MMRN1: variants seen among roughly 807,000 people sequenced by gnomAD.
MMRN1 encodes multimerin 1, also known as multimerin-1.
Under a neutral mutation model 100.7 loss-of-function variants are expected in MMRN1, and 94 were observed. That is an observed-to-expected ratio of 0.93 (90% CI 0.79 to 1.11). MMRN1 has a LOEUF of 1.11. Among genes scored for constraint, MMRN1 ranks in the 50% least tolerant of loss-of-function variants. The pLI, the probability that MMRN1 is intolerant of heterozygous loss-of-function variation, is 0.00. For missense variants in MMRN1, 1,606 were observed against 1,439.1 expected, an observed-to-expected ratio of 1.12 and a Z score of -1.88; for synonymous variants, 575 against 505.0, an observed-to-expected ratio of 1.14 and a Z score of -1.86.
chr4:89,910,144 A>T (rs1299133598), intron 2 of MMRN1, among the ~76,000 whole-genome samples: 1 of 151,354 alleles, frequency 6.6e-6, no homozygotes, highest in African/African-American at 2.4e-5. Context: ...CACAATAAGG[A>T]TACATAAAAT....
At position 89,934,900 on chromosome 4, in the gene MMRN1, C is replaced by T. The variant is rs574535996; in HGVS notation, c.1220C>T (p.Ala407Val). 9 of 1,610,952 alleles carry T rather than the reference C, an allele frequency of 5.6e-6. No homozygotes were observed. Among genetic ancestry groups the T allele is most frequent in the African/African-American group, 5.3e-5 (4 of 74,814 alleles). Residue 407 changes from alanine (A) to valine (V), a missense_variant, in exon 6 of 8, where the codon GCA becomes GTA. Physicochemically the swap from Ala to Val is moderately conservative, Grantham distance 64 (BLOSUM62 0). Transcript: ENST00000264790. ...IFQNDMQETV[A>V]QLFKTVSSLS... ...CAAAATGACATGCAAGAGACTGTAGCACAGCTCTTCAAGACTGTATCAAGT... is the reference window on the plus strand; with the variant it reads ...CAAAATGACATGCAAGAGACTGTAGTACAGCTCTTCAAGACTGTATCAAGT...
At chr4:89,947,084 C>T (rs971024715) in intron 6 of MMRN1, among the ~76,000 whole-genome samples, 1 of 152,102 alleles carries the variant, frequency 6.6e-6, no homozygotes, top group African/African-American at 2.4e-5. Flanking sequence ...AAGTTTGAGA[C>T]CAGCTTGGCC....
chr4:89,940,280 A>G (rs1278312674), intron 6 of MMRN1, among the ~76,000 whole-genome samples: 1 of 152,092 alleles, frequency 6.6e-6, no homozygotes, highest in African/African-American at 2.4e-5. Context: ...TCCTGCTTGT[A>G]AAACCATTGG....
At chr4:89,939,786 C>T (rs150946337) in intron 6 of MMRN1, among the ~76,000 whole-genome samples, 18 of 152,158 alleles carry the variant, frequency 1.2e-4, no homozygotes, top group Admixed American at 3.3e-4. Context: ...TGGCTGGAGC[C>T]GATATTTTTA....
At chr4:89,879,544 A>C (rs893076261) in exon 1 of MMRN1, 1 of 152,166 alleles carries the variant, frequency 6.6e-6, no homozygotes, top group African/African-American at 2.4e-5. Flanking sequence ...AGAGGCCAAG[A>C]GGTTTCTGCT....
chr4:89,925,691 G>A (rs892666484), intron 4 of MMRN1, among the ~76,000 whole-genome samples: 1 of 151,836 alleles, frequency 6.6e-6, no homozygotes, highest in Non-Finnish European at 1.5e-5. Flanking sequence ...TTAGCCACAC[G>A]TGGTGGCATG....
intron 6 of MMRN1, among the ~76,000 whole-genome samples, chr4:89,945,549 T>C (rs919659055): frequency 6.6e-6 from 1 of 152,166 alleles, no homozygotes; most frequent in Admixed American, 6.5e-5. Flanking sequence ...TGTGGTTTTG[T>C]TTTGCATTTT....
At chr4:89,899,779 C>T (rs1721324384) in intron 1 of MMRN1, among the ~76,000 whole-genome samples, 1 of 151,916 alleles carries the variant, frequency 6.6e-6, no homozygotes, top group South Asian at 2.1e-4. Context: ...TCTAATCTAT[C>T]AAAAAGTCTT....
In MMRN1 at chr4:89,935,508, A is replaced by G. The variant is rs1722589539; in HGVS notation, c.1828A>G (p.Thr610Ala). The G allele has an allele frequency of 6.2e-7, 1 of 1,613,400 alleles. No individual in the cohort carries two copies. Among genetic ancestry groups the G allele is most frequent in the South Asian group, 1.1e-5 (1 of 91,014 alleles). ...TGATTTTAAATTTCAACTTAAGGAC[A>G]CAGAAGAGAATTTACATGTGTTAAA... is the stretch of plus-strand genomic sequence containing the variant. ...RNDFKFQLKD[T>A]EENLHVLNQT... is the part of the protein sequence containing the mutation. Residue 610 changes from threonine (T) to alanine (A), a missense_variant, in exon 6 of 8, where the codon ACA becomes GCA. Transcript: ENST00000264790.
intron 1 of MMRN1, among the ~76,000 whole-genome samples, chr4:89,901,631 C>G (rs1415283173): frequency 6.6e-6 from 1 of 151,922 alleles, no homozygotes; most frequent in African/African-American, 2.4e-5. Flanking sequence ...AACCATTATA[C>G]TAAAGGGTAT....
rs774290536 is a variant in MMRN1 at position 89,895,234 on chromosome 4, C to A, written c.263C>A (p.Thr88Lys). 2 of 1,613,878 alleles carry A rather than the reference C, an allele frequency of 1.2e-6. No individual in the cohort carries two copies. Among genetic ancestry groups the A allele is most frequent in the South Asian group, 1.1e-5 (1 of 91,078 alleles). The change falls in exon 1 of 8, where the codon ACA becomes AAA. Residue 88 changes from threonine (T) to lysine (K), a missense_variant. Coordinates refer to ENST00000264790, the MANE Select transcript of MMRN1 (RefSeq NM_007351.3). ...AAATCAACACTGCCTCCCTCAGAAA[C>A]AAGTGCACCTGCTGAGGGTGTGAGA... ...LLKSTLPPSETSAPAEGVRNQ... is the reference protein window; with the variant it reads ...LLKSTLPPSEKSAPAEGVRNQ...
At chr4:89,888,539 G>A (rs1277062991) in intron 1 of MMRN1, among the ~76,000 whole-genome samples, 2 of 150,914 alleles carry the variant, frequency 1.3e-5, no homozygotes, top group Admixed American at 1.3e-4. Flanking sequence ...GTCCTATTTA[G>A]TCTCTCTTTT....
At chr4:89,896,912 A>G (rs1450805976) in intron 1 of MMRN1, among the ~76,000 whole-genome samples, 1 of 152,208 alleles carries the variant, frequency 6.6e-6, no homozygotes, top group African/African-American at 2.4e-5. Context: ...ATCCCAGCTT[A>G]CTGTAAAACA....
Position 89,911,973 on chromosome 4 carries a change from G to T in MMRN1, c.773G>T (p.Arg258Met). 6.2e-7 allele frequency: 1 copy of T among 1,603,352 alleles called. No individual in the cohort carries two copies. Among genetic ancestry groups the T allele is most frequent in the Admixed American group, 1.7e-5 (1 of 59,022 alleles). Residue 258 changes from arginine (R) to methionine (M), a missense_variant, in exon 3 of 8, where the codon AGG becomes ATG. Coordinates refer to ENST00000264790, the MANE Select transcript of MMRN1 (RefSeq NM_007351.3). ...RSQKISNPVY[R>M]MQHKIVTSLD... ...CAGAAGATATCCAATCCTGTCTATA[G>T]GATGCAACATAAAATTGTCACCTCA... is the stretch of plus-strand genomic sequence containing the variant.
At chr4:89,911,040 T>C (rs150607994) in intron 2 of MMRN1, among the ~76,000 whole-genome samples, 1 of 151,364 alleles carries the variant, frequency 6.6e-6, no homozygotes, top group Non-Finnish European at 1.5e-5. Flanking sequence ...AGTTATTTCA[T>C]CTCTCTGTTC....
chr4:89,884,674 G>A (rs1445708352), intron 1 of MMRN1, among the ~76,000 whole-genome samples: 2 of 152,050 alleles, frequency 1.3e-5, no homozygotes, highest in African/African-American at 4.8e-5. Context: ...AGAGCACAGT[G>A]CAGCCTAGAA....
Position 89,954,127 on chromosome 4 carries a change from A to T in MMRN1, c.*709A>T, listed in dbSNP as rs549953632. On this transcript the variant is annotated 3_prime_UTR_variant, in exon 8 of 8. Transcript: ENST00000264790. ...TATAAGGGGCAAAAAGTCTTTTTCT[A>T]ATAAGTATTCTTCTATGGTAGTACC... The T allele has an allele frequency of 1.3e-5, 2 of 152,216 alleles. No homozygotes were observed. The highest frequency in any genetic ancestry group is 3.8e-4 in the East Asian group (2 of 5,204). The allele number at this position is 152,216 out of a possible 1,614,324, so 9.4% of individuals were successfully genotyped here. A position where few individuals can be genotyped will look rare whatever the true frequency, so the allele number is the denominator to read the frequency against.
chr4:89,920,838 C>T lies in MMRN1; in HGVS notation c.851-2330C>T, dbSNP rs1012376407. Among the ~76,000 whole-genome samples the T allele has an allele frequency of 5.3e-5, 8 of 151,070 alleles. No homozygotes were observed. In the South Asian group the frequency reaches 1.3e-3, roughly 24 times the overall value. ...TTTGTTTGTTTGTTTTTTTTAAATA[C>T]GCACCTGCCCCATTCCTCAAAATAG... On this transcript the variant is annotated intron_variant, in intron 3 of 7. Coordinates refer to ENST00000264790, the MANE Select transcript of MMRN1 (RefSeq NM_007351.3).
chr4:89,939,043 C>A (rs1444014668), intron 6 of MMRN1, among the ~76,000 whole-genome samples: 1 of 152,076 alleles, frequency 6.6e-6, no homozygotes, highest in African/African-American at 2.4e-5. Context: ...AATCATTGGG[C>A]AGCTCAGCAG....
Sources: allele counts gnomAD v4.1 joint callset (sites outside exome capture counted in the v4.1 genomes callset), GRCh38; gene constraint gnomAD v4.1.1; transcripts MANE v1.5; gene names NCBI Gene and HGNC (gene_info 2026-07-23, HGNC 2026-07-21).